GSAP: variants seen among roughly 807,000 people sequenced by gnomAD.
GSAP encodes the protein gamma-secretase activating protein, also known as gamma-secretase-activating protein.
Under a neutral mutation model 131.7 loss-of-function variants are expected in GSAP, and 118 were observed. The observed-to-expected ratio is 0.90, with a 90% CI of 0.77 to 1.04. The LOEUF is 1.04. Ranked by LOEUF, GSAP falls within the 50% of genes least tolerant of loss-of-function variation. The probability of loss-of-function intolerance (pLI) is 0.00; values close to 1 mark genes in which losing one functional copy is unlikely to be tolerated. For missense variants in GSAP, 1,019 were observed against 1,013.2 expected, an observed-to-expected ratio of 1.01 and a Z score of -0.08; for synonymous variants, 381 against 363.4, an observed-to-expected ratio of 1.05 and a Z score of -0.55.
At chr7:77,382,516 A>G (rs1410755670) in intron 7 of GSAP, 58 bp downstream of exon 7, 5 of 894,908 alleles carry the variant, frequency 5.6e-6, no homozygotes, top group Non-Finnish European at 5.7e-6. Flanking sequence ...CATGTACCAC[A>G]CTAGGAGACG....
chr7:77,402,647 C>A (rs1322772097), intron 3 of GSAP, among the ~76,000 whole-genome samples: 22 of 79,792 alleles, frequency 2.8e-4, no homozygotes, highest in South Asian at 4.2e-4. Context: ...ATTTGGTATA[C>A]AAATCCATTC....
At chr7:77,330,089 G>A (rs1788869847) in intron 20 of GSAP, 150 bp downstream of exon 20, 2 of 897,998 alleles carry the variant, frequency 2.2e-6, no homozygotes, top group Admixed American at 3.1e-5. Context: ...AAGCATCTCT[G>A]CCCATTGAGA....
intron 28 of GSAP, among the ~76,000 whole-genome samples, chr7:77,312,662 T>C (rs1794527343): frequency 2.6e-5 from 4 of 152,244 alleles, no homozygotes; most frequent in African/African-American, 7.2e-5. Context: ...GATCTAGCTA[T>C]GGAAAATATG....
In GSAP at chr7:77,343,730, C is replaced by T. The variant is rs893692501; in HGVS notation, c.1545+5621G>A. 2.7e-4 allele frequency among the ~76,000 whole-genome samples: 41 copies of T among 152,208 alleles called. 1 individual carries two copies. The highest frequency in any genetic ancestry group is 8.9e-4 in the African/African-American group (37 of 41,454). ...ACTTCTACCTATCAATCTCTTCCCACACAAGACAAATGGTTCTTAGACCAA... is the reference window on the plus strand; with the variant it reads ...ACTTCTACCTATCAATCTCTTCCCATACAAGACAAATGGTTCTTAGACCAA... On this transcript the variant is annotated intron_variant, in intron 19 of 30. Coordinates refer to ENST00000257626, the MANE Select transcript of GSAP (RefSeq NM_017439.4).
intron 5 of GSAP, among the ~76,000 whole-genome samples, chr7:77,391,753 T>C (rs1054858263): frequency 6.6e-6 from 1 of 152,274 alleles, no homozygotes; most frequent in Non-Finnish European, 1.5e-5. Context: ...GAAGATCACC[T>C]GGGCCAGGGA....
intron 30 of GSAP, 48 bp from the exon 31 acceptor site, chr7:77,311,497 C>T (rs752840622): frequency 3.4e-5 from 31 of 917,760 alleles, no homozygotes; most frequent in East Asian, 7.2e-5. Context: ...ACCATGGGTC[C>T]GTGAAACATT....
At chr7:77,403,559 G>A (rs1333069297) in intron 3 of GSAP, among the ~76,000 whole-genome samples, 1 of 146,772 alleles carries the variant, frequency 6.8e-6, no homozygotes, top group Admixed American at 6.7e-5. Context: ...CCTTATGTGA[G>A]TAATTTGGGG....
chr7:77,396,868 G>T, intron 5 of GSAP, 114 bp downstream of exon 5: 1 of 575,320 alleles, frequency 1.7e-6, no homozygotes, highest in Non-Finnish European at 2.9e-6. Flanking sequence ...CTTTTATTCT[G>T]AGATACGATA....
chr7:77,399,039 G>A (rs1800893769), intron 3 of GSAP, among the ~76,000 whole-genome samples: 1 of 152,140 alleles, frequency 6.6e-6, no homozygotes, highest in African/African-American at 2.4e-5. Flanking sequence ...AAAACTTACT[G>A]ATGGGCATTT....
intron 12 of GSAP, among the ~76,000 whole-genome samples, chr7:77,363,557 C>T (rs1368776802): frequency 6.6e-6 from 1 of 152,152 alleles, no homozygotes; most frequent in African/African-American, 2.4e-5. Context: ...TCAATGTTTC[C>T]TCTACTTTCC....
chr7:77,355,296 T>C lies in GSAP; in HGVS notation c.1255A>G (p.Asn419Asp), dbSNP rs1245397631. The C allele has an allele frequency of 6.2e-7, 1 of 1,613,998 alleles. No individual in the cohort carries two copies. Among genetic ancestry groups the C allele is most frequent in the South Asian group, 1.1e-5 (1 of 91,084 alleles). The change falls in exon 16 of 31, where the codon AAC becomes GAC. Residue 419 changes from asparagine to aspartate, a missense_variant. By Grantham distance (23) the Asn-to-Asp change is conservative. Coordinates refer to ENST00000257626, the MANE Select transcript of GSAP (RefSeq NM_017439.4). ...ATCTTCTCACAGTCTAAGCAAGTGTTCTGCAGAAGCTGTAATAAAGACGAC... is the reference window on the plus strand; with the variant it reads ...ATCTTCTCACAGTCTAAGCAAGTGTCCTGCAGAAGCTGTAATAAAGACGAC... Reference protein sequence around the residue: ...SQSSLLQLLQNTCLDCEKMAA... With the variant: ...SQSSLLQLLQDTCLDCEKMAA...
chr7:77,333,752 A>T (rs556618295), intron 19 of GSAP, among the ~76,000 whole-genome samples: 2 of 152,312 alleles, frequency 1.3e-5, no homozygotes, highest in South Asian at 4.1e-4. Flanking sequence ...TGATACCAGC[A>T]TGCTCATTAT....
intron 19 of GSAP, among the ~76,000 whole-genome samples, chr7:77,338,342 T>C (rs893329989): frequency 6.6e-6 from 1 of 152,204 alleles, no homozygotes; most frequent in Non-Finnish European, 1.5e-5. Flanking sequence ...TGTTTCAACA[T>C]ATTTCCTGTT....
At position 77,317,346 on chromosome 7, in the gene GSAP, G is replaced by T. The variant is rs908505833; in HGVS notation, c.2090-2857C>A. Among the ~76,000 whole-genome samples, 5 of 119,626 alleles carry T rather than the reference G, an allele frequency of 4.2e-5. No homozygotes were observed. The East Asian group carries it at 1.6e-3, about 39-fold the overall frequency. The allele number at this position is 119,626 out of a possible 152,430, so 78.5% of individuals were successfully genotyped here. A position where few individuals can be genotyped will look rare whatever the true frequency, so the allele number is the denominator to read the frequency against. On this transcript the variant is annotated intron_variant, in intron 26 of 30. Coordinates refer to ENST00000257626, the MANE Select transcript of GSAP (RefSeq NM_017439.4). Reference sequence around the variant, plus strand: ...CAATGAGAACACTTGGACAAGGGTTGGGGGGGAACATCACACACTGGGGCC... The same window carrying T: ...CAATGAGAACACTTGGACAAGGGTTTGGGGGGAACATCACACACTGGGGCC...
intron 6 of GSAP, among the ~76,000 whole-genome samples, chr7:77,384,310 C>T (rs1310096732): frequency 6.6e-6 from 1 of 152,190 alleles, no homozygotes; most frequent in African/African-American, 2.4e-5. Flanking sequence ...TCTGCCTGGT[C>T]TTCCTGTGAC....
chr7:77,370,368 A>G (rs1354005602), intron 12 of GSAP, among the ~76,000 whole-genome samples: 1 of 152,098 alleles, frequency 6.6e-6, no homozygotes, highest in Non-Finnish European at 1.5e-5. Flanking sequence ...GGCTGAGGCA[A>G]GAGAATCTCT....
At chr7:77,312,258 A>G (rs1794467082) in intron 28 of GSAP, 56 bp from the exon 29 acceptor site, 2 of 801,474 alleles carry the variant, frequency 2.5e-6, no homozygotes, top group African/African-American at 1.7e-5. Context: ...TTAAGTAAAC[A>G]CACCTTATAT....
intron 19 of GSAP, among the ~76,000 whole-genome samples, chr7:77,349,021 C>T (rs1222953242): frequency 1.3e-5 from 2 of 152,164 alleles, no homozygotes; most frequent in Non-Finnish European, 2.9e-5. Flanking sequence ...CAGCTACCAG[C>T]CTCTCTAAAG....
intron 1 of GSAP, among the ~76,000 whole-genome samples, chr7:77,411,006 GAAGTT>G (rs1472477091): frequency 6.8e-6 from 1 of 147,452 alleles, no homozygotes; most frequent in Non-Finnish European, 1.5e-5. Context: ...TGAGTAAAAT[GAAGTT>G]AAGAGAGAGA....
Sources: gnomAD v4.1 joint callset for allele counts (sites outside exome capture counted in the v4.1 genomes callset) on GRCh38, gnomAD v4.1.1 for gene constraint, MANE v1.5 for transcripts, NCBI Gene and HGNC (gene_info 2026-07-23, HGNC 2026-07-21) for gene names.